The following CNTLN variants were observed in gnomAD, a reference collection of about 807,000 sequenced individuals.
CNTLN encodes the protein centlein, centrosomal protein.
In CNTLN, 212 loss-of-function variants were observed where a neutral mutation model predicts 180.0. The observed-to-expected ratio is 1.18, with a 90% confidence interval of 1.05 to 1.32. CNTLN has a LOEUF of 1.32. Ranked by LOEUF, CNTLN falls within the 40% of genes most tolerant of loss-of-function variation. The pLI is 0.00. For missense variants in CNTLN, 2,095 were observed against 1,610.9 expected, an observed-to-expected ratio of 1.30 and a Z score of -5.14; for synonymous variants, 722 against 563.1, an observed-to-expected ratio of 1.28 and a Z score of -3.99.
At chr9:17,312,859 G>T (rs978316945) in intron 8 of CNTLN, among the ~76,000 whole-genome samples, 1 of 152,066 alleles carries the variant, frequency 6.6e-6, no homozygotes, top group African/African-American at 2.4e-5. Flanking sequence ...ATAGTATTCA[G>T]ATCTTTTATG....
chr9:17,325,607 T>G (rs535138490), intron 8 of CNTLN, among the ~76,000 whole-genome samples: 1 of 151,806 alleles, frequency 6.6e-6, no homozygotes, highest in Non-Finnish European at 1.5e-5. Flanking sequence ...TACTTGATTT[T>G]CAGTGATATA....
At chr9:17,383,700 T>C (rs4097851) in intron 13 of CNTLN, among the ~76,000 whole-genome samples, 131,385 of 151,278 alleles carry the variant, frequency 0.87, 57,340 homozygotes, top group Non-Finnish European at 0.91. Context: ...TGCAGTGGCG[T>C]GATCTCGGCC....
At chr9:17,431,026 A>G (rs1829387166) in intron 18 of CNTLN, among the ~76,000 whole-genome samples, 3 of 152,024 alleles carry the variant, frequency 2.0e-5, no homozygotes, top group Admixed American at 2.0e-4. Context: ...GAATGGAGGT[A>G]TTTTTGACAT....
chr9:17,486,767 A>C (rs1832909898), intron 24 of CNTLN, among the ~76,000 whole-genome samples: 1 of 152,138 alleles, frequency 6.6e-6, no homozygotes, highest in Non-Finnish European at 1.5e-5. Context: ...AATATTTCTG[A>C]ATTACTGTGA....
intron 2 of CNTLN, among the ~76,000 whole-genome samples, chr9:17,194,120 A>G (rs930040249): frequency 2.0e-5 from 3 of 152,124 alleles, no homozygotes; most frequent in African/African-American, 7.2e-5. Flanking sequence ...ATTTTCTCCT[A>G]GGCCTCTGGG....
chr9:17,314,716 A>G (rs1465747441), intron 8 of CNTLN, among the ~76,000 whole-genome samples: 1 of 152,144 alleles, frequency 6.6e-6, no homozygotes, highest in Non-Finnish European at 1.5e-5. Flanking sequence ...ATGCTGTTCC[A>G]TTTTCCAACT....
intron 23 of CNTLN, among the ~76,000 whole-genome samples, chr9:17,471,898 C>A (rs1252599309): frequency 1.3e-5 from 2 of 151,874 alleles, no homozygotes; most frequent in African/African-American, 2.4e-5. Context: ...AATGCTGAGA[C>A]CCAACATGTA....
At position 17,463,021 on chromosome 9, in the gene CNTLN, T is replaced by G; in HGVS notation, c.3404+8T>G. ...AAAGGAAATGCATGAAAAGTATGGT[T>G]TTTGTATTTCTATCCATTGTATTTG... On this transcript the variant is annotated splice_region_variant and intron_variant, in intron 20 of 25. Transcript: ENST00000380647. The G allele has an allele frequency of 1.3e-6, 2 of 1,540,656 alleles. No homozygotes were observed. The highest frequency in any genetic ancestry group is 1.8e-6 in the Non-Finnish European group (2 of 1,133,622).
At chr9:17,413,914 A>T (rs926273595) in intron 16 of CNTLN, among the ~76,000 whole-genome samples, 1 of 152,212 alleles carries the variant, frequency 6.6e-6, no homozygotes, top group African/African-American at 2.4e-5. Context: ...TACATGAATG[A>T]TCATAGAACC....
At chr9:17,519,163 G>A in the CNTLN span, among the ~76,000 whole-genome samples, 1 of 151,276 alleles carries the variant, frequency 6.6e-6, no homozygotes, top group African/African-American at 2.4e-5. Context: ...CTTGGGCTGA[G>A]GCATTCTGCC....
At chr9:17,352,826 C>T (rs562800725) in intron 12 of CNTLN, among the ~76,000 whole-genome samples, 1 of 152,308 alleles carries the variant, frequency 6.6e-6, no homozygotes, top group East Asian at 1.9e-4. Context: ...ACCTTTGTGT[C>T]TGGCTTCTTT....
At chr9:17,174,412 C>A (rs1757224071) in intron 2 of CNTLN, among the ~76,000 whole-genome samples, 1 of 152,080 alleles carries the variant, frequency 6.6e-6, no homozygotes, top group Non-Finnish European at 1.5e-5. Flanking sequence ...TAAGAAATTG[C>A]CAGCTGGGTG....
chr9:17,179,261 A>AAAAAAAAAAG (rs762439606), intron 2 of CNTLN, among the ~76,000 whole-genome samples: 6 of 138,640 alleles, frequency 4.3e-5, no homozygotes, highest in African/African-American at 1.8e-4. Flanking sequence ...AAAAAAAAAA[A>AAAAAAAAAAG]AAGAAGAAGT....
chr9:17,175,212 C>T (rs550847200), intron 2 of CNTLN, among the ~76,000 whole-genome samples: 2 of 152,084 alleles, frequency 1.3e-5, no homozygotes, highest in South Asian at 2.1e-4. Context: ...TTTGTTTTTG[C>T]CTAGCTCTAG....
At chr9:17,340,753 G>T (rs994893356) in intron 10 of CNTLN, 74 bp from the exon 11 acceptor site, 1 of 1,264,780 alleles carries the variant, frequency 7.9e-7, no homozygotes, top group South Asian at 1.9e-5. Flanking sequence ...ATTTAGATGG[G>T]TAACCTTTTA....
intron 6 of CNTLN, among the ~76,000 whole-genome samples, chr9:17,288,935 A>T (rs1213750724): frequency 8.7e-6 from 1 of 115,250 alleles, no homozygotes; most frequent in African/African-American, 3.9e-5. Context: ...TGAATACAGC[A>T]CACTGATGGG....
chr9:17,388,139 A>T, intron 13 of CNTLN, 23 bp from the exon 14 acceptor site: 1 of 1,487,058 alleles, frequency 6.7e-7, no homozygotes, highest in Non-Finnish European at 9.4e-7. Context: ...TGGTATCATA[A>T]TATATTATTT....
At chr9:17,519,424 C>T in the CNTLN span, among the ~76,000 whole-genome samples, 3 of 152,150 alleles carry the variant, frequency 2.0e-5, no homozygotes, top group African/African-American at 2.4e-5. Flanking sequence ...TTAAATAGAA[C>T]ATTTCTGAGC....
the CNTLN span, among the ~76,000 whole-genome samples, chr9:17,514,344 A>G: frequency 6.6e-6 from 1 of 152,126 alleles, no homozygotes; most frequent in Non-Finnish European, 1.5e-5. Context: ...AAGTCAAATA[A>G]ACCGTGACAC....
Sources: allele counts gnomAD v4.1 joint callset (sites outside exome capture counted in the v4.1 genomes callset), GRCh38; gene constraint gnomAD v4.1.1; transcripts MANE v1.5; gene names NCBI Gene and HGNC (gene_info 2026-07-23, HGNC 2026-07-21).